IQCK: variants seen among roughly 807,000 people sequenced by gnomAD.
IQCK encodes IQ domain-containing protein K.
Under a neutral mutation model 28.1 loss-of-function variants are expected in IQCK, and 29 were observed. That is an observed-to-expected ratio of 1.03 (90% CI 0.77 to 1.41). The LOEUF is 1.41. Among genes scored for constraint, IQCK ranks in the 40% most tolerant of loss-of-function variants. IQCK has a pLI of 0.00. For synonymous variants in IQCK, 113 were observed against 115.1 expected (o/e 0.98, Z 0.12); for missense variants, 359 against 314.7 (o/e 1.14, Z -1.07).
chr16:19,810,629 A>C (rs985312405), intron 7 of IQCK, among the ~76,000 whole-genome samples: 1 of 152,062 alleles, frequency 6.6e-6, no homozygotes, highest in African/African-American at 2.4e-5. Flanking sequence ...CCTGGCCAAC[A>C]TGGCGAAACC....
At chr16:19,851,072 T>C (rs2056475680) in intron 9 of IQCK, among the ~76,000 whole-genome samples, 1 of 152,212 alleles carries the variant, frequency 6.6e-6, no homozygotes, top group Non-Finnish European at 1.5e-5. Context: ...TGCCTAACTC[T>C]GGGTCAGAAC....
At position 19,792,495 on chromosome 16, in the gene IQCK, A is replaced by G. The variant is rs533693552; in HGVS notation, c.690+3573A>G. ...GGAAATTAGCTAAAAGGAAACAGCA[A>G]TCTGACAACAGTGAGTACCTTGGGG... On this transcript the variant is annotated intron_variant, in intron 7 of 7. Coordinates refer to ENST00000564186, the Ensembl canonical transcript of IQCK. 1.8e-5 allele frequency among the ~76,000 whole-genome samples: 2 copies of G among 113,768 alleles called. 1 individual carries two copies. Among genetic ancestry groups the G allele is most frequent in the Non-Finnish European group, 3.1e-5 (2 of 64,288 alleles). The allele number at this position is 113,768 out of a possible 152,430, so 74.6% of individuals were successfully genotyped here.
chr16:19,759,633 G>A (rs925323436), intron 4 of IQCK, among the ~76,000 whole-genome samples: 17 of 152,240 alleles, frequency 1.1e-4, no homozygotes, highest in African/African-American at 4.1e-4. Context: ...ACAGTCTCAG[G>A]TGCTATGACA....
At chr16:19,753,254 A>G (rs983126784) in intron 4 of IQCK, among the ~76,000 whole-genome samples, 10 of 151,952 alleles carry the variant, frequency 6.6e-5, no homozygotes. Context: ...CTACAAAAAA[A>G]AAAAAAAATT....
chr16:19,750,082 T>G (rs1461231455), intron 4 of IQCK, among the ~76,000 whole-genome samples: 1 of 152,194 alleles, frequency 6.6e-6, no homozygotes, highest in African/African-American at 2.4e-5. Context: ...TCTTCCTCTG[T>G]AAAATGTAAA....
intron 9 of IQCK, among the ~76,000 whole-genome samples, chr16:19,842,837 G>A (rs1176705729): frequency 6.6e-6 from 1 of 152,174 alleles, no homozygotes; most frequent in Non-Finnish European, 1.5e-5. Context: ...GAAGGAAGCA[G>A]GATGTAAATA....
chr16:19,772,124 AG>A (rs1275722981), intron 6 of IQCK, among the ~76,000 whole-genome samples: 5 of 152,236 alleles, frequency 3.3e-5, no homozygotes, highest in African/African-American at 1.2e-4. Flanking sequence ...AGGGGATCGT[AG>A]GTACAAGTGA....
chr16:19,730,723 ATCTG>A (rs1555513796), intron 2 of IQCK, among the ~76,000 whole-genome samples: 64 of 150,152 alleles, frequency 4.3e-4, no homozygotes, highest in East Asian at 7.8e-4. Context: ...CTGTCTATCT[ATCTG>A]TCTGTCTGTC....
chr16:19,769,549 A>G (rs924739838), intron 6 of IQCK, among the ~76,000 whole-genome samples: 3 of 152,230 alleles, frequency 2.0e-5, no homozygotes, highest in African/African-American at 7.2e-5. Context: ...TGGTCCAGTC[A>G]CAGGAAACCA....
exon 10 of IQCK, chr16:19,856,943 C>G (rs2056570504): frequency 5.7e-6 from 1 of 174,060 alleles, no homozygotes; most frequent in Admixed American, 6.1e-5. Context: ...AGTCCCCAAC[C>G]TCTGAATTTG....
chr16:19,780,469 C>T (rs2055464649), intron 6 of IQCK, among the ~76,000 whole-genome samples: 1 of 152,174 alleles, frequency 6.6e-6, no homozygotes, highest in Non-Finnish European at 1.5e-5. Flanking sequence ...CTGCACCTGG[C>T]CCATCCTGTT....
chr16:19,809,796 C>T (rs2055879902), intron 7 of IQCK, among the ~76,000 whole-genome samples: 1 of 152,202 alleles, frequency 6.6e-6, no homozygotes, highest in Non-Finnish European at 1.5e-5. Flanking sequence ...ATGGGCCCCA[C>T]CCCCAGAAAA....
At chr16:19,814,509 A>C (rs1233551176) in intron 7 of IQCK, among the ~76,000 whole-genome samples, 1 of 152,142 alleles carries the variant, frequency 6.6e-6, no homozygotes, top group Non-Finnish European at 1.5e-5. Flanking sequence ...AAAAGACAAA[A>C]TTATGACAAA....
intron 4 of IQCK, among the ~76,000 whole-genome samples, chr16:19,746,843 A>G (rs963443011): frequency 6.6e-6 from 1 of 152,244 alleles, no homozygotes; most frequent in Non-Finnish European, 1.5e-5. Flanking sequence ...TTTATGCCAG[A>G]TGGCTGTGGT....
chr16:19,772,247 C>T (rs2055329598), intron 6 of IQCK, among the ~76,000 whole-genome samples: 1 of 152,046 alleles, frequency 6.6e-6, no homozygotes, highest in African/African-American at 2.4e-5. Context: ...GAAAGAAATC[C>T]TACATTAGGT....
At chr16:19,853,271 T>G (rs2056509423) in intron 9 of IQCK, among the ~76,000 whole-genome samples, 1 of 152,120 alleles carries the variant, frequency 6.6e-6, no homozygotes, top group South Asian at 2.1e-4. Flanking sequence ...AGGCTCCACG[T>G]CACACCTTGA....
chr16:19,785,993 A>G (rs552499636), intron 6 of IQCK, among the ~76,000 whole-genome samples: 27 of 152,302 alleles, frequency 1.8e-4, no homozygotes, highest in African/African-American at 6.3e-4. Flanking sequence ...TGACACCCGC[A>G]GGGCCGGAGC....
intron 4 of IQCK, among the ~76,000 whole-genome samples, chr16:19,736,349 A>C (rs1168191664): frequency 1.3e-5 from 2 of 151,570 alleles, no homozygotes; most frequent in African/African-American, 4.8e-5. Flanking sequence ...TGCAGCCTCA[A>C]CCTCCAGGGC....
chr16:19,762,537 C>T (rs921472435), intron 4 of IQCK, among the ~76,000 whole-genome samples: 1 of 152,174 alleles, frequency 6.6e-6, no homozygotes, highest in Non-Finnish European at 1.5e-5. Context: ...CTTTGGAATT[C>T]TTTGCCCAAG....
Sources: allele counts gnomAD v4.1 joint callset (sites outside exome capture counted in the v4.1 genomes callset), GRCh38; gene constraint gnomAD v4.1.1; transcripts MANE v1.5; gene names NCBI Gene and HGNC (gene_info 2026-07-23, HGNC 2026-07-21).